The following TMEM268 variants were observed in gnomAD, a reference collection of about 807,000 sequenced individuals.
TMEM268 encodes transmembrane protein C9orf91.
TMEM268 carries 24 observed loss-of-function variants against 39.1 expected under a neutral mutation model. The ratio of observed to expected loss-of-function variants is 0.61; its 90% CI spans 0.44 to 0.86. The LOEUF (loss-of-function observed/expected upper bound fraction) is 0.86, where lower values mean the gene tolerates loss of function less well. TMEM268 is among the 40% of genes least tolerant of loss of function. TMEM268 has a pLI of 0.00. For missense variants in TMEM268, 409 were observed against 428.6 expected (o/e 0.95, Z 0.40); for synonymous variants, 176 against 173.5 (o/e 1.01, Z -0.12).
chr9:114,624,776 A>G (rs1285838857), intron 3 of TMEM268, among the ~76,000 whole-genome samples: 1 of 152,264 alleles, frequency 6.6e-6, no homozygotes, highest in East Asian at 1.9e-4. Flanking sequence ...AAATTGGGAC[A>G]GTATCATATA....
chr9:114,634,259 A>G (rs1272533049), intron 6 of TMEM268, among the ~76,000 whole-genome samples: 1 of 152,178 alleles, frequency 6.6e-6, no homozygotes, highest in Non-Finnish European at 1.5e-5. Context: ...ATACAGTGAG[A>G]CAGTCAACAG....
At chr9:114,620,943 G>A (rs1371098776) in intron 2 of TMEM268, among the ~76,000 whole-genome samples, 2 of 151,876 alleles carry the variant, frequency 1.3e-5, no homozygotes, top group African/African-American at 2.4e-5. Flanking sequence ...AAACAGGAGA[G>A]AGAGAAAAAA....
At chr9:114,618,844 T>G (rs1845835456) in intron 2 of TMEM268, among the ~76,000 whole-genome samples, 1 of 152,220 alleles carries the variant, frequency 6.6e-6, no homozygotes, top group Non-Finnish European at 1.5e-5. Flanking sequence ...GAAGTCTGGC[T>G]TCTTCACTAG....
At chr9:114,620,662 G>A (rs1342356681) in intron 2 of TMEM268, among the ~76,000 whole-genome samples, 1 of 152,198 alleles carries the variant, frequency 6.6e-6, no homozygotes, top group East Asian at 1.9e-4. Flanking sequence ...GTTGTGACAA[G>A]CTTGCTTTTA....
intron 2 of TMEM268, among the ~76,000 whole-genome samples, chr9:114,619,627 A>G (rs1450076574): frequency 6.6e-6 from 1 of 152,156 alleles, no homozygotes; most frequent in Non-Finnish European, 1.5e-5. Flanking sequence ...CTGAGACCGG[A>G]TCTGCTTGAC....
intron 1 of TMEM268, among the ~76,000 whole-genome samples, chr9:114,612,811 C>T (rs1845557671): frequency 6.6e-6 from 1 of 152,158 alleles, no homozygotes; most frequent in African/African-American, 2.4e-5. Context: ...ATTGTCTTTC[C>T]CTGAGTTTGT....
In TMEM268 at chr9:114,626,671, C is replaced by T. The variant is rs138656792; in HGVS notation, c.217-228C>T. Reference sequence around the variant, plus strand: ...CCATCAGGCTGCCCTGTGTCTGCTGCAAGGTACTGAGTCTGAGGCTGTGTG... The same window carrying T: ...CCATCAGGCTGCCCTGTGTCTGCTGTAAGGTACTGAGTCTGAGGCTGTGTG... On this transcript the variant is annotated intron_variant, in intron 3 of 8. Transcript: ENST00000288502. Among the ~76,000 whole-genome samples, 376 of 152,318 alleles carry T rather than the reference C, an allele frequency of 2.5e-3. 2 individuals are homozygous for T. The highest frequency in any genetic ancestry group is 8.7e-3 in the African/African-American group (360 of 41,568).
rs1247762564 is a variant in TMEM268 at position 114,645,769 on chromosome 9, T to G, written c.*2456T>G. 3 of 152,318 alleles carry G rather than the reference T, an allele frequency of 2.0e-5. No homozygotes were observed. Among genetic ancestry groups the G allele is most frequent in the Non-Finnish European group, 4.4e-5 (3 of 68,048 alleles). 9.4% of individuals were successfully genotyped at this position (152,318 alleles called of 1,614,324 possible). A position where few individuals can be genotyped will look rare whatever the true frequency, so the allele number is the denominator to read the frequency against. On this transcript the variant is annotated 3_prime_UTR_variant, in exon 9 of 9. Coordinates refer to ENST00000288502, the MANE Select transcript of TMEM268 (RefSeq NM_153045.4). ...TTCCTGACTTTTCCTTTCTTTAGAATTTTTGATGGTCTCACCTGGTGGGTG... is the reference window on the plus strand; with the variant it reads ...TTCCTGACTTTTCCTTTCTTTAGAAGTTTTGATGGTCTCACCTGGTGGGTG...
Position 114,629,755 on chromosome 9 carries a change from C to T in TMEM268, c.474+1505C>T, listed in dbSNP as rs116454431. Among the ~76,000 whole-genome samples the T allele has an allele frequency of 7.5e-3, 1,142 of 152,290 alleles. 10 individuals are homozygous for T. Among genetic ancestry groups the T allele is most frequent in the Middle Eastern group, 0.037 (11 of 294 alleles). On this transcript the variant is annotated intron_variant, in intron 5 of 8. Coordinates refer to ENST00000288502, the MANE Select transcript of TMEM268 (RefSeq NM_153045.4). ...TCTTGCCTGACTCAGAAAGAGGGGG[C>T]AGGATGTTGGGAAATGTAAATCAGC... is the stretch of plus-strand genomic sequence containing the variant.
chr9:114,622,891 G>A (rs1429716120), intron 2 of TMEM268, among the ~76,000 whole-genome samples: 1 of 152,034 alleles, frequency 6.6e-6, no homozygotes, highest in Non-Finnish European at 1.5e-5. Flanking sequence ...GGGAGTTTGA[G>A]ACCAGCCTGG....
At chr9:114,643,102 T>A in intron 8 of TMEM268, 32 bp from the exon 9 acceptor site, 1 of 1,612,580 alleles carries the variant, frequency 6.2e-7, no homozygotes, top group Non-Finnish European at 8.5e-7. Context: ...GGCTCCCCTG[T>A]GGTATTCAAT....
chr9:114,626,135 T>G (rs1419258559), intron 3 of TMEM268, among the ~76,000 whole-genome samples: 3 of 152,160 alleles, frequency 2.0e-5, no homozygotes, highest in Admixed American at 2.0e-4. Flanking sequence ...TTCTTTTTTA[T>G]TTTTATAAAA....
At chr9:114,607,733 C>T (rs1189327957), upstream of TMEM268, among the ~76,000 whole-genome samples, 1 of 152,028 alleles carries the variant, frequency 6.6e-6, no homozygotes, top group Non-Finnish European at 1.5e-5. Context: ...GGGGAACTGG[C>T]CTAGGCCCAG....
chr9:114,609,747 GA>G (rs747017736), upstream of TMEM268, among the ~76,000 whole-genome samples: 2 of 37,878 alleles, frequency 5.3e-5, no homozygotes, highest in African/African-American at 3.3e-4. Flanking sequence ...AGGAAGGAAA[GA>G]AAGAAAGAAA....
rs200166846 is a variant in TMEM268 at position 114,624,405 on chromosome 9, C to T, written c.162C>T (p.Pro54=). 1.6e-5 allele frequency: 26 copies of T among 1,601,998 alleles called. No individual in the cohort carries two copies. The highest frequency in any genetic ancestry group is 1.7e-5 in the Non-Finnish European group (20 of 1,173,578). ...TVLRIDNTCA[P]ISFDLGAAEE... ...TCCGGATTGACAATACCTGTGCACC[C>T]ATCTCCTTCGACCTGGGAGCCGCAG... The change falls in exon 3 of 9, where the codon CCC becomes CCT. Residue 54 remains proline, a synonymous_variant. Coordinates refer to ENST00000288502, the MANE Select transcript of TMEM268 (RefSeq NM_153045.4).
chr9:114,610,916 A>G (rs1357438833), upstream of TMEM268, among the ~76,000 whole-genome samples: 2 of 152,152 alleles, frequency 1.3e-5, no homozygotes, highest in African/African-American at 4.8e-5. Context: ...CACATACACA[A>G]TTTTCCATTA....
chr9:114,628,291 A>T (rs1302202074), intron 5 of TMEM268, 41 bp downstream of exon 5: 1 of 1,604,952 alleles, frequency 6.2e-7, no homozygotes, highest in African/African-American at 1.3e-5. Flanking sequence ...TCTCCAGAAG[A>T]GCGGTGCAGG....
Position 114,611,391 on chromosome 9 carries a change from G to T in TMEM268, c.-252G>T, listed in dbSNP as rs1346590797. ...GGCGGGCGGCTCCTCGGGGTTGGGC[G>T]ACCGAGCGGGGCCGGCCGGGCGGGG... On this transcript the variant is annotated 5_prime_UTR_variant, in exon 1 of 9. Transcript: ENST00000288502. The T allele has an allele frequency of 2.0e-5, 3 of 151,784 alleles. No homozygotes were observed. Among genetic ancestry groups the T allele is most frequent in the South Asian group, 3.7e-4 (2 of 5,396 alleles). 9.4% of individuals were successfully genotyped at this position (151,784 alleles called of 1,614,324 possible). A position where few individuals can be genotyped will look rare whatever the true frequency, so the allele number is the denominator to read the frequency against.
intron 3 of TMEM268, among the ~76,000 whole-genome samples, chr9:114,626,469 A>G (rs1281846025): frequency 6.6e-6 from 1 of 152,198 alleles, no homozygotes; most frequent in South Asian, 2.1e-4. Flanking sequence ...AGCACTGTAC[A>G]TGTATTATTT....
Sources: allele counts gnomAD v4.1 joint callset (sites outside exome capture counted in the v4.1 genomes callset), GRCh38; gene constraint gnomAD v4.1.1; transcripts MANE v1.5; gene names NCBI Gene and HGNC (gene_info 2026-07-23, HGNC 2026-07-21).